Variants in LRCH2 observed in about 807,000 individuals in gnomAD.
LRCH2 encodes the protein leucine-rich repeat and calponin homology domain-containing protein 2.
LRCH2 carries 38 observed loss-of-function variants against 68.9 expected under a neutral mutation model. The ratio of observed to expected loss-of-function variants is 0.55; its 90% CI spans 0.43 to 0.72. The LOEUF (loss-of-function observed/expected upper bound fraction) is 0.72. Among genes scored for constraint, LRCH2 ranks in the 30% least tolerant of loss-of-function variants. The pLI is 0.00. For synonymous variants in LRCH2, 191 were observed against 208.1 expected (o/e 0.92, Z 0.71); for missense variants, 528 against 572.9 (o/e 0.92, Z 0.80).
rs782011308 is a variant in LRCH2 at position 115,113,444 on chromosome X, C to CATAAT, written c.2179-114_2179-110dup. ...TTTCTATAAAATGTCAAGAAAACTA[C>CATAAT]ATAATTCTAAGTTTTCTCTTATAAA... On this transcript the variant is annotated intron_variant, in intron 20 of 20. Coordinates refer to ENST00000317135, the MANE Select transcript of LRCH2 (RefSeq NM_020871.4). 6.6e-6 allele frequency: 4 copies of CATAAT among 603,770 alleles called. No homozygotes were observed. In the South Asian group the frequency reaches 1.6e-4, roughly 24 times the overall value. The allele number at this position is 603,770 out of a possible 1,213,427, so 49.8% of individuals were successfully genotyped here.
chrX:115,118,370 C>T (rs375362198), intron 20 of LRCH2, among the ~76,000 whole-genome samples: 4 of 109,733 alleles, frequency 3.6e-5, no homozygotes, highest in South Asian at 3.9e-4. Context: ...CGAACTACCA[C>T]CAGAGAATAC....
intron 11 of LRCH2, among the ~76,000 whole-genome samples, chrX:115,162,753 T>C (rs1410034484): frequency 1.8e-5 from 2 of 111,797 alleles, no homozygotes; most frequent in African/African-American, 6.5e-5. Flanking sequence ...TGCCAGTATA[T>C]TTAAATTTGA....
At chrX:115,216,022 AT>A (rs2073039879) in intron 1 of LRCH2, among the ~76,000 whole-genome samples, 1 of 111,538 alleles carries the variant, frequency 9.0e-6, no homozygotes, top group African/African-American at 3.3e-5. Flanking sequence ...TATGTAAAAA[AT>A]ATGCATATTT....
intron 14 of LRCH2, 73 bp downstream of exon 14, chrX:115,149,754 T>C: frequency 1.6e-6 from 1 of 641,976 alleles, no homozygotes; most frequent in East Asian, 3.6e-5. Context: ...GTCTACCTTA[T>C]TAACTCAAAA....
At chrX:115,196,825 G>C (rs944375616) in intron 1 of LRCH2, among the ~76,000 whole-genome samples, 15 of 110,452 alleles carry the variant, frequency 1.4e-4, no homozygotes, top group Non-Finnish European at 1.5e-4. Context: ...ACTAAAACTG[G>C]CATCTGAGGA....
intron 1 of LRCH2, among the ~76,000 whole-genome samples, chrX:115,197,638 A>G (rs1309073474): frequency 2.8e-5 from 3 of 108,997 alleles, no homozygotes; most frequent in Non-Finnish European, 3.8e-5. Flanking sequence ...TGTAATCCCA[A>G]CTACTCAGGA....
intron 1 of LRCH2, among the ~76,000 whole-genome samples, chrX:115,218,866 T>C (rs782127191): frequency 4.5e-5 from 5 of 112,328 alleles, no homozygotes; most frequent in Non-Finnish European, 9.4e-5. Context: ...CTTCATTCTT[T>C]CCTTGCTTTG....
intron 1 of LRCH2, chrX:115,191,079 C>T (rs1485417349): frequency 4.3e-6 from 5 of 1,164,305 alleles, no homozygotes; most frequent in Non-Finnish European, 5.7e-6. Flanking sequence ...AGAGCCACCG[C>T]TATGGAGGAG....
intron 1 of LRCH2, among the ~76,000 whole-genome samples, chrX:115,195,037 C>A (rs2072876888): frequency 9.0e-6 from 1 of 111,391 alleles, no homozygotes; most frequent in Non-Finnish European, 1.9e-5. Context: ...ATAATCCCAG[C>A]ACTTTGGGAG....
intron 14 of LRCH2, among the ~76,000 whole-genome samples, chrX:115,143,183 A>G (rs1397929796): frequency 8.9e-6 from 1 of 111,980 alleles, no homozygotes; most frequent in African/African-American, 3.2e-5. Context: ...AATAAAAAAG[A>G]TCAATGAAAC....
At position 115,124,014 on chromosome X, in the gene LRCH2, T is replaced by A. The variant is rs2072165389; in HGVS notation, c.1792-12A>T. On this transcript the variant is annotated splice_polypyrimidine_tract_variant and intron_variant, in intron 16 of 20. Coordinates refer to ENST00000317135, the MANE Select transcript of LRCH2 (RefSeq NM_020871.4). ...GTTCTGTCATATTCCTAAAAAAAAA[T>A]TAAAAAGTTAAAAATAAATAAATAA... is the stretch of plus-strand genomic sequence containing the variant. 3.2e-6 allele frequency: 3 copies of A among 937,527 alleles called. No homozygotes were observed. Among genetic ancestry groups the A allele is most frequent in the South Asian group, 6.1e-5 (2 of 32,539 alleles). 77.3% of individuals were successfully genotyped at this position (937,527 alleles called of 1,213,427 possible).
intron 6 of LRCH2, 122 bp from the exon 7 acceptor site, chrX:115,166,464 T>C: frequency 2.2e-6 from 1 of 453,392 alleles, no homozygotes; most frequent in East Asian, 3.8e-5. Context: ...GATCCTTAAT[T>C]AGGGACATGA....
chrX:115,203,253 A>G (rs1205567922), intron 1 of LRCH2, among the ~76,000 whole-genome samples: 1 of 111,549 alleles, frequency 9.0e-6, no homozygotes, highest in Non-Finnish European at 1.9e-5. Flanking sequence ...TCATGATCCA[A>G]TCACTTCTCA....
At chrX:115,224,452 G>A (rs782228697) in intron 1 of LRCH2, among the ~76,000 whole-genome samples, 1 of 110,978 alleles carries the variant, frequency 9.0e-6, no homozygotes, top group Non-Finnish European at 1.9e-5. Context: ...GGAGGCCAAG[G>A]CAGGTGGGTC....
At chrX:115,149,696 G>A (rs2072416781) in intron 14 of LRCH2, 131 bp downstream of exon 14, 1 of 418,948 alleles carries the variant, frequency 2.4e-6, no homozygotes, top group Non-Finnish European at 4.1e-6. Context: ...CCCCATATAT[G>A]TGAGAAATCA....
At chrX:115,122,730 G>A (rs1053576198) in intron 19 of LRCH2, 30 bp downstream of exon 19, 2 of 1,200,094 alleles carry the variant, frequency 1.7e-6, no homozygotes, top group Non-Finnish European at 2.2e-6. Flanking sequence ...TCTTCCTTTA[G>A]AGAACTAACA....
chrX:115,156,757 G>T, intron 11 of LRCH2, 90 bp from the exon 12 acceptor site: 1 of 453,038 alleles, frequency 2.2e-6, no homozygotes, highest in Non-Finnish European at 3.5e-6. Context: ...AACTGCATCT[G>T]GTCCTTGAAG....
intron 1 of LRCH2, among the ~76,000 whole-genome samples, chrX:115,212,140 G>A (rs35904597): frequency 0.1 from 11,560 of 111,192 alleles, 462 homozygotes; most frequent in African/African-American, 0.11. Context: ...ATAGATGCTA[G>A]CAGAAGACAT....
At chrX:115,130,585 A>G (rs2072235127) in intron 14 of LRCH2, among the ~76,000 whole-genome samples, 2 of 110,854 alleles carry the variant, frequency 1.8e-5, no homozygotes, top group South Asian at 7.7e-4. Context: ...TCTCACAACT[A>G]CCACCCTTTT....
Sources: allele counts gnomAD v4.1 joint callset (sites outside exome capture counted in the v4.1 genomes callset), GRCh38; gene constraint gnomAD v4.1.1; transcripts MANE v1.5; gene names NCBI Gene and HGNC (gene_info 2026-07-23, HGNC 2026-07-21).